Variants in EPS15 observed in about 807,000 individuals in gnomAD.
EPS15 encodes the protein epidermal growth factor receptor substrate 15.
Under a neutral mutation model 113.8 loss-of-function variants are expected in EPS15, and 72 were observed. That is an observed-to-expected ratio of 0.63 (90% CI 0.52 to 0.77). The LOEUF (loss-of-function observed/expected upper bound fraction) is 0.77. EPS15 is among the 30% of genes least tolerant of loss of function. The pLI is 0.00. For missense variants in EPS15, 1,048 were observed against 1,045.8 expected (o/e 1.00, Z -0.03); for synonymous variants, 344 against 363.4 (o/e 0.95, Z 0.61).
chr1:51,386,060 T>C (rs1647061849), intron 21 of EPS15, among the ~76,000 whole-genome samples: 1 of 152,162 alleles, frequency 6.6e-6, no homozygotes, highest in South Asian at 2.1e-4. Context: ...TTTACCACAA[T>C]TTAAAAAAAC....
Position 51,492,250 on chromosome 1 carries a change from C to T in EPS15, c.34-10936G>A, listed in dbSNP as rs143468916. Among the ~76,000 whole-genome samples, 235 of 152,280 alleles carry T rather than the reference C, an allele frequency of 1.5e-3. 1 individual carries two copies. Among genetic ancestry groups the T allele is most frequent in the African/African-American group, 5.4e-3 (223 of 41,560 alleles). ...AATAATCAGATAGGGCTCCTGCCTT[C>T]AAGGGCTTAAATTCTAGTAAAAATT... On this transcript the variant is annotated intron_variant, in intron 1 of 24. Transcript: ENST00000371733.
chr1:51,446,027 T>C (rs1386307255), intron 10 of EPS15, among the ~76,000 whole-genome samples: 1 of 152,218 alleles, frequency 6.6e-6, no homozygotes, highest in Non-Finnish European at 1.5e-5. Flanking sequence ...TCTTGGGTTC[T>C]TGTTTCTTTT....
chr1:51,436,969 AGT>A (rs747825263), intron 12 of EPS15, among the ~76,000 whole-genome samples: 61 of 152,188 alleles, frequency 4.0e-4, no homozygotes, highest in Non-Finnish European at 8.2e-4. Context: ...ATATTCGATG[AGT>A]GTTATATTAC....
rs1006235479 is a variant in EPS15, at chr1:51,419,569, A to G, written c.1113+2217T>C. On this transcript the variant is annotated intron_variant, in intron 13 of 24. Coordinates refer to ENST00000371733, the MANE Select transcript of EPS15 (RefSeq NM_001981.3). ...CAAAATTCCCTTACTTCTCCTCCCCAATGTCTTCATTTTGACATTTCTCAT... is the reference window on the plus strand; with the variant it reads ...CAAAATTCCCTTACTTCTCCTCCCCGATGTCTTCATTTTGACATTTCTCAT... Among the ~76,000 whole-genome samples, 32 of 152,192 alleles carry G rather than the reference A, an allele frequency of 2.1e-4. 1 individual carries two copies. The highest frequency in any genetic ancestry group is 7.7e-4 in the African/African-American group (32 of 41,520).
At chr1:51,443,058 G>A (rs1652717276) in intron 11 of EPS15, among the ~76,000 whole-genome samples, 1 of 152,128 alleles carries the variant, frequency 6.6e-6, no homozygotes, top group Non-Finnish European at 1.5e-5. Context: ...TGGGTTAATA[G>A]ATAAGATAGC....
At position 51,379,206 on chromosome 1, in the gene EPS15, G is replaced by A. The variant is rs374464909; in HGVS notation, c.2120-13177C>T. Among the ~76,000 whole-genome samples the A allele has an allele frequency of 1.1e-3, 166 of 152,228 alleles. 1 individual carries two copies. The highest frequency in any genetic ancestry group is 3.9e-3 in the African/African-American group (164 of 41,526). ...GCCATCTTGGCTTACTGCAACCTCT[G>A]CCTCCCGGGTTCAAGTGATTCTCCC... On this transcript the variant is annotated intron_variant, in intron 21 of 24. Transcript: ENST00000371733.
At chr1:51,450,654 T>A (rs952545142) in intron 8 of EPS15, among the ~76,000 whole-genome samples, 2 of 151,886 alleles carry the variant, frequency 1.3e-5, no homozygotes, top group Non-Finnish European at 2.9e-5. Flanking sequence ...ACCACCCCTA[T>A]GAAGGGCAAA....
intron 3 of EPS15, among the ~76,000 whole-genome samples, chr1:51,472,528 T>TTA (rs1655315580): frequency 6.6e-6 from 1 of 152,326 alleles, no homozygotes; most frequent in South Asian, 2.1e-4. Flanking sequence ...CAGAGACAGT[T>TTA]ATAACAGAGG....
At chr1:51,490,018 A>G (rs559369571) in intron 1 of EPS15, among the ~76,000 whole-genome samples, 1 of 152,352 alleles carries the variant, frequency 6.6e-6, no homozygotes, top group East Asian at 1.9e-4. Context: ...ATAATCTAGC[A>G]AATGTTAACA....
intron 13 of EPS15, among the ~76,000 whole-genome samples, chr1:51,418,843 T>C (rs1196820036): frequency 6.6e-6 from 1 of 152,228 alleles, no homozygotes; most frequent in East Asian, 1.9e-4. Context: ...AACTAAAGTA[T>C]AGAATGGTTA....
intron 22 of EPS15, among the ~76,000 whole-genome samples, chr1:51,364,990 T>C (rs1646476542): frequency 6.6e-6 from 1 of 151,708 alleles, no homozygotes; most frequent in African/African-American, 2.4e-5. Context: ...CCGGCATGCC[T>C]GACCAATTTT....
chr1:51,468,868 C>G (rs894706704), intron 4 of EPS15, among the ~76,000 whole-genome samples: 3 of 152,152 alleles, frequency 2.0e-5, no homozygotes, highest in Admixed American at 2.0e-4. Flanking sequence ...TGGCTCACAC[C>G]TGTAAGCTCA....
At chr1:51,491,879 T>C (rs888776298) in intron 1 of EPS15, among the ~76,000 whole-genome samples, 5 of 150,894 alleles carry the variant, frequency 3.3e-5, no homozygotes, top group African/African-American at 4.9e-5. Flanking sequence ...TTTTTTTTTT[T>C]TGAGACAGAG....
At chr1:51,408,026 T>C (rs374213510) in intron 15 of EPS15, 109 bp downstream of exon 15, 5 of 913,328 alleles carry the variant, frequency 5.5e-6, no homozygotes, top group African/African-American at 4.9e-5. Context: ...GACTGAAAAA[T>C]GAACAGTAAA....
At chr1:51,464,384 C>T (rs181853233) in intron 6 of EPS15, among the ~76,000 whole-genome samples, 3 of 151,886 alleles carry the variant, frequency 2.0e-5, no homozygotes, top group East Asian at 1.9e-4. Flanking sequence ...GGATTATAGG[C>T]GCCTGCCACC....
intron 16 of EPS15, among the ~76,000 whole-genome samples, chr1:51,404,377 CAA>C (rs35682249): frequency 1.8e-4 from 18 of 99,696 alleles, no homozygotes; most frequent in African/African-American, 1.7e-4. Context: ...GACTCCGTCT[CAA>C]AAAAAAAAAA....
chr1:51,447,669 A>G (rs906011553), intron 9 of EPS15, among the ~76,000 whole-genome samples: 2 of 152,230 alleles, frequency 1.3e-5, no homozygotes, highest in Admixed American at 6.5e-5. Context: ...ATGCCAGGGC[A>G]AACATGCCAT....
intron 9 of EPS15, among the ~76,000 whole-genome samples, 176 bp from the exon 10 acceptor site, chr1:51,447,281 A>G (rs1052145295): frequency 2.0e-5 from 3 of 152,212 alleles, no homozygotes. Context: ...GGGGAAGAGA[A>G]AATAACAGAA....
chr1:51,497,625 C>T (rs1362633410), intron 1 of EPS15, among the ~76,000 whole-genome samples: 1 of 152,138 alleles, frequency 6.6e-6, no homozygotes, highest in East Asian at 1.9e-4. Context: ...TTCGTTAAAT[C>T]ACACATATCT....
Sources: gnomAD v4.1 joint callset for allele counts (sites outside exome capture counted in the v4.1 genomes callset) on GRCh38, gnomAD v4.1.1 for gene constraint, MANE v1.5 for transcripts, NCBI Gene and HGNC (gene_info 2026-07-23, HGNC 2026-07-21) for gene names.